The following MIOS variants were observed in gnomAD, a reference collection of about 807,000 sequenced individuals.
MIOS encodes the protein meiosis regulator for oocyte development, also known as GATOR2 complex protein MIOS.
In MIOS, 52 loss-of-function variants were observed where a neutral mutation model predicts 96.9. That is an observed-to-expected ratio of 0.54 (90% CI 0.43 to 0.68). MIOS has a LOEUF of 0.68. MIOS is among the 30% of genes least tolerant of loss of function. The probability of loss-of-function intolerance (pLI) is 0.00; values close to 1 mark genes in which losing one functional copy is unlikely to be tolerated. For missense variants in MIOS, 1,005 were observed against 1,052.8 expected, an observed-to-expected ratio of 0.95 and a Z score of 0.63; for synonymous variants, 397 against 359.5, an observed-to-expected ratio of 1.10 and a Z score of -1.18.
intron 11 of MIOS, among the ~76,000 whole-genome samples, chr7:7,602,866 A>G (rs1486893099): frequency 6.6e-6 from 1 of 152,180 alleles, no homozygotes; most frequent in Non-Finnish European, 1.5e-5. Context: ...TGGTACCAAA[A>G]CAGAGATATA....
In MIOS at chr7:7,607,140, G is replaced by A. The variant is rs1784555582; in HGVS notation, c.*48G>A. Reference sequence around the variant, plus strand: ...CCTTCAAGTGTGGAGCTTTCTAGTAGGTGTCCTTCATAGCTCAGAAACATA... The same window carrying A: ...CCTTCAAGTGTGGAGCTTTCTAGTAAGTGTCCTTCATAGCTCAGAAACATA... On this transcript the variant is annotated 3_prime_UTR_variant, in exon 13 of 13. Transcript: ENST00000340080. 2.1e-6 allele frequency: 3 copies of A among 1,438,588 alleles called. No homozygotes were observed. Among genetic ancestry groups the A allele is most frequent in the Non-Finnish European group, 2.9e-6 (3 of 1,038,720 alleles). 89.1% of individuals were successfully genotyped at this position (1,438,588 alleles called of 1,614,324 possible).
chr7:7,569,763 G>A lies in MIOS; in HGVS notation c.-41+1640G>A, dbSNP rs116106863. ...GTAACCAGACCTCGACTAGGGAGGG[G>A]ATGGAGGGTGGTTGACGTCAAGGTT... is the stretch of plus-strand genomic sequence containing the variant. On this transcript the variant is annotated intron_variant, in intron 3 of 12. Transcript: ENST00000340080. Among the ~76,000 whole-genome samples the A allele has an allele frequency of 8.9e-3, 1,350 of 152,336 alleles. 30 individuals are homozygous for A. Among genetic ancestry groups the A allele is most frequent in the African/African-American group, 0.031 (1,292 of 41,572 alleles).
At chr7:7,569,037 A>G (rs1365776016) in intron 3 of MIOS, among the ~76,000 whole-genome samples, 3 of 152,240 alleles carry the variant, frequency 2.0e-5, no homozygotes, top group Admixed American at 2.0e-4. Flanking sequence ...CCATTGGTAT[A>G]AAGAGTCGGG....
Position 7,585,805 on chromosome 7 carries a change from G to C in MIOS, c.1818G>C (p.Leu606Phe). 1 of 1,597,578 alleles carries C rather than the reference G, an allele frequency of 6.3e-7. No homozygotes were observed. The highest frequency in any genetic ancestry group is 1.1e-5 in the South Asian group (1 of 87,674). Residue 606 changes from leucine (L) to phenylalanine (F), a missense_variant and splice_region_variant, in exon 7 of 13, where the codon TTG becomes TTC. Coordinates refer to ENST00000340080, the MANE Select transcript of MIOS (RefSeq NM_019005.4). ...TSETGSYDGV[L>F]YENKVAVRDR... ...AAACAGGATCTTACGATGGAGTTTT[G>C]GTAAGCTAACTTGTTTTTTAAGATC...
intron 11 of MIOS, among the ~76,000 whole-genome samples, chr7:7,601,840 C>G (rs2115495511): frequency 6.6e-6 from 1 of 152,216 alleles, no homozygotes; most frequent in African/African-American, 2.4e-5. Flanking sequence ...ACTGGCAAAC[C>G]AAATCCAGCA....
At chr7:7,593,879 C>CAAAA (rs35986278) in intron 9 of MIOS, among the ~76,000 whole-genome samples, 173 of 47,650 alleles carry the variant, frequency 3.6e-3, no homozygotes, top group East Asian at 0.016. Flanking sequence ...ACTCTGTCTC[C>CAAAA]AAAAAAAAAA....
At chr7:7,580,228 G>T (rs1336719693) in intron 5 of MIOS, among the ~76,000 whole-genome samples, 1 of 152,088 alleles carries the variant, frequency 6.6e-6, no homozygotes, top group Non-Finnish European at 1.5e-5. Context: ...TAAGTGTTTT[G>T]TTAACTTTTA....
rs749758329 is a variant in MIOS at position 7,574,193 on chromosome 7, T to C, written c.1390T>C (p.Leu464=). 1.3e-5 allele frequency: 21 copies of C among 1,596,508 alleles called. No homozygotes were observed. Among genetic ancestry groups the C allele is most frequent in the Non-Finnish European group, 1.7e-5 (20 of 1,170,242 alleles). ...AGIKSIVKSS[L]GMVESSRHNW... is the part of the protein sequence containing the mutation. ...AATTAAATCAATTGTAAAGTCATCG[T>C]TGGGTAAGAAAATTCTATTTCATTT... The change falls in exon 5 of 13, where the codon TTG becomes CTG. Residue 464 remains leucine, a synonymous_variant. Transcript: ENST00000340080.
At chr7:7,577,687 A>G (rs3807857) in intron 5 of MIOS, among the ~76,000 whole-genome samples, 118,334 of 152,060 alleles carry the variant, frequency 0.78, 47,461 homozygotes, top group East Asian at 0.94. Context: ...CATTTGCCAG[A>G]GGAAAGGGGG....
chr7:7,584,698 G>T (rs547722968), intron 6 of MIOS, among the ~76,000 whole-genome samples: 6 of 152,092 alleles, frequency 3.9e-5, no homozygotes, highest in Non-Finnish European at 8.8e-5. Flanking sequence ...GAAAGAAAAA[G>T]ATTAGAATCA....
Position 7,586,194 on chromosome 7 carries a change from GTAGT to G in MIOS, c.1818+392_1818+395del, listed in dbSNP as rs1271383354. 7.1e-5 allele frequency among the ~76,000 whole-genome samples: 9 copies of G among 127,614 alleles called. 1 individual carries two copies. Among genetic ancestry groups the G allele is most frequent in the Admixed American group, 6.4e-4 (8 of 12,458 alleles). The allele number at this position is 127,614 out of a possible 152,430, so 83.7% of individuals were successfully genotyped here. A position where few individuals can be genotyped will look rare whatever the true frequency, so the allele number is the denominator to read the frequency against. On this transcript the variant is annotated intron_variant, in intron 7 of 12. Coordinates refer to ENST00000340080, the MANE Select transcript of MIOS (RefSeq NM_019005.4). ...TGTGTGTGTGTGTGTGTGTGTGTGT[GTAGT>G]TAAATAAAACAACTCACGATTATTG...
rs1180833992 is a variant in MIOS, at chr7:7,607,023, A to T, written c.2559A>T (p.Ala853=). 4.3e-6 allele frequency: 7 copies of T among 1,612,922 alleles called. No individual in the cohort carries two copies. The highest frequency in any genetic ancestry group is 5.9e-6 in the Non-Finnish European group (7 of 1,179,464). Residue 853 remains alanine (A), a synonymous_variant, in exon 13 of 13, where the codon GCA becomes GCT. Transcript: ENST00000340080. The part of the protein sequence containing the change: ...FRDHAECPVS[A]CTCKCMQLDT... Reference sequence around the variant, plus strand: ...ACCATGCAGAGTGCCCTGTGTCGGCATGCACGTGTAAATGTATGCAGTTGG... The same window carrying T: ...ACCATGCAGAGTGCCCTGTGTCGGCTTGCACGTGTAAATGTATGCAGTTGG...
Position 7,572,334 on chromosome 7 carries a change from G to T in MIOS, c.-40-102G>T, listed in dbSNP as rs149138420. ...GAAATACAAATATATTGAAAAAGAG[G>T]GTTCTTGAATAGAGAATTTTCTGAC... On this transcript the variant is annotated intron_variant, in intron 3 of 12. Coordinates refer to ENST00000340080, the MANE Select transcript of MIOS (RefSeq NM_019005.4). This position sits in a 1 kb window ranked among gnomAD's most constrained non-coding sequence, Gnocchi z 4.8. 4 of 520,584 alleles carry T rather than the reference G, an allele frequency of 7.7e-6. No individual in the cohort carries two copies. Among genetic ancestry groups the T allele is most frequent in the Non-Finnish European group, 1.3e-5 (4 of 301,414 alleles). The allele number at this position is 520,584 out of a possible 1,614,324, so 32.2% of individuals were successfully genotyped here.
At chr7:7,570,125 A>G (rs1302550461) in intron 3 of MIOS, among the ~76,000 whole-genome samples, 1 of 152,206 alleles carries the variant, frequency 6.6e-6, no homozygotes, top group East Asian at 1.9e-4. Flanking sequence ...AGATGAATAA[A>G]AGAAAAGCCT....
At chr7:7,602,185 A>T (rs959942897) in intron 11 of MIOS, among the ~76,000 whole-genome samples, 1 of 152,200 alleles carries the variant, frequency 6.6e-6, no homozygotes, top group Non-Finnish European at 1.5e-5. Flanking sequence ...GCCCTCTCTC[A>T]CCACTCCTAT....
chr7:7,570,884 C>A (rs1783329135), intron 3 of MIOS, among the ~76,000 whole-genome samples: 1 of 152,168 alleles, frequency 6.6e-6, no homozygotes, highest in South Asian at 2.1e-4. Context: ...CCTAACAGGC[C>A]AGGGAGCAGA....
At chr7:7,606,208 A>G in intron 12 of MIOS, 137 bp downstream of exon 12, 1 of 1,148,402 alleles carries the variant, frequency 8.7e-7, no homozygotes, top group Non-Finnish European at 1.2e-6. Context: ...ATGTTAACAA[A>G]GGTGGTGTGA....
intron 10 of MIOS, 148 bp downstream of exon 10, chr7:7,595,280 C>G: frequency 1.2e-6 from 1 of 863,158 alleles, no homozygotes; most frequent in Middle Eastern, 3.4e-4. Context: ...ATCTTCCTGT[C>G]CTTTGGTTCT....
chr7:7,603,940 T>C (rs1475333613), intron 11 of MIOS, among the ~76,000 whole-genome samples: 1 of 152,042 alleles, frequency 6.6e-6, no homozygotes, highest in African/African-American at 2.4e-5. Flanking sequence ...GAAACCATCA[T>C]TCTCAGCAAA....
Sources: gnomAD v4.1 joint callset for allele counts (sites outside exome capture counted in the v4.1 genomes callset) on GRCh38, gnomAD v4.1.1 for gene constraint, Gnocchi (gnomAD v3.1) non-coding constraint, MANE v1.5 for transcripts, NCBI Gene and HGNC (gene_info 2026-07-23, HGNC 2026-07-21) for gene names.